Variants in ELSPBP1 observed in about 807,000 individuals in gnomAD.
ELSPBP1 encodes the protein epididymal sperm binding protein 1.
ELSPBP1 carries 38 observed loss-of-function variants against 33.3 expected under a neutral mutation model. The observed-to-expected ratio is 1.14, with a 90% CI of 0.88 to 1.50. ELSPBP1 has a LOEUF of 1.50. Among genes scored for constraint, ELSPBP1 ranks in the 40% most tolerant of loss-of-function variants. The pLI is 0.00. For missense variants in ELSPBP1, 267 were observed against 263.5 expected (o/e 1.01, Z -0.09); for synonymous variants, 85 against 94.1 (o/e 0.90, Z 0.56).
chr19:48,000,389 T>C (rs1318374589), intron 1 of ELSPBP1, among the ~76,000 whole-genome samples: 1 of 151,922 alleles, frequency 6.6e-6, no homozygotes, highest in African/African-American at 2.4e-5. Context: ...TACAAGTGCG[T>C]GCCACCACGC....
rs149490569 is a variant in ELSPBP1 at position 48,011,748 on chromosome 19, G to T, written c.71-2423G>T. Among the ~76,000 whole-genome samples, 6 of 152,104 alleles carry T rather than the reference G, an allele frequency of 3.9e-5. No individual in the cohort carries two copies. Among genetic ancestry groups the T allele is most frequent in the Middle Eastern group, 3.4e-3 (1 of 292 alleles). ...TTATGATGATGCCAATGACAATAGC[G>T]TGGAGAATGATGATGATGACAGTGA... On this transcript the variant is annotated intron_variant, in intron 2 of 6. Transcript: ENST00000339841. This position sits in a 1 kb window ranked among gnomAD's most constrained non-coding sequence, Gnocchi z 4.5.
At chr19:48,008,182 ACATAT>A (rs1464160310) in intron 1 of ELSPBP1, among the ~76,000 whole-genome samples, 4 of 152,106 alleles carry the variant, frequency 2.6e-5, no homozygotes, top group African/African-American at 9.7e-5. Flanking sequence ...AAACACACAC[ACATAT>A]CACACACACA....
intron 1 of ELSPBP1, among the ~76,000 whole-genome samples, chr19:47,999,387 C>CTTTTTTTTTTTTTTTTTT (rs397937280): frequency 7.7e-6 from 1 of 129,976 alleles, no homozygotes. Context: ...AGCCTCATTT[C>CTTTTTTTTTTTTTTTTTT]TTTTTTTTTT....
At chr19:48,012,270 C>A (rs1030516387) in intron 2 of ELSPBP1, among the ~76,000 whole-genome samples, 1 of 151,784 alleles carries the variant, frequency 6.6e-6, no homozygotes, top group African/African-American at 2.4e-5. Flanking sequence ...ATTACAGGGG[C>A]ACACCACCAT....
intron 1 of ELSPBP1, among the ~76,000 whole-genome samples, chr19:47,995,956 C>T (rs1966908433): frequency 6.6e-6 from 1 of 152,192 alleles, no homozygotes; most frequent in Admixed American, 6.5e-5. Flanking sequence ...GGCTAAGCTG[C>T]CTCTTGGGCA....
chr19:48,012,660 C>T (rs1967090672), intron 2 of ELSPBP1, among the ~76,000 whole-genome samples: 1 of 152,130 alleles, frequency 6.6e-6, no homozygotes. Context: ...TGTAGATACA[C>T]TGCACAAAAA....
At chr19:48,019,374 T>C (rs1273026218) in intron 4 of ELSPBP1, among the ~76,000 whole-genome samples, 1 of 152,130 alleles carries the variant, frequency 6.6e-6, no homozygotes, top group East Asian at 1.9e-4. Flanking sequence ...ACACAATCGA[T>C]ATTTATGTAA....
At chr19:48,015,153 A>C (rs1967118346) in intron 3 of ELSPBP1, among the ~76,000 whole-genome samples, 1 of 152,238 alleles carries the variant, frequency 6.6e-6, no homozygotes, top group Admixed American at 6.5e-5. Flanking sequence ...AATGTTAATA[A>C]GAAAATGGTA....
intron 6 of ELSPBP1, among the ~76,000 whole-genome samples, chr19:48,023,614 A>C (rs941775769): frequency 1.3e-5 from 2 of 149,144 alleles, no homozygotes; most frequent in South Asian, 4.3e-4. Context: ...GGGAGGGAAG[A>C]AAGGGAAGGA....
At chr19:48,007,758 T>C (rs932813455) in intron 1 of ELSPBP1, among the ~76,000 whole-genome samples, 2 of 152,126 alleles carry the variant, frequency 1.3e-5, no homozygotes, top group Admixed American at 6.6e-5. Context: ...AGAAGGGCCC[T>C]TGCAGCCATT....
rs34853595 is a variant in ELSPBP1 at position 47,998,786 on chromosome 19, C to CAAAA, written c.-18+3992_-18+3995dup. Among the ~76,000 whole-genome samples the CAAAA allele has an allele frequency of 4.9e-4, 54 of 110,940 alleles. No homozygotes were observed. The Middle Eastern group carries it at 0.017, about 34-fold the overall frequency. The allele number at this position is 110,940 out of a possible 152,430, so 72.8% of individuals were successfully genotyped here. On this transcript the variant is annotated intron_variant, in intron 1 of 6. Transcript: ENST00000339841. ...TGGGTGACAGAGCCAGACTCCGTCT[C>CAAAA]AAAAAAAAAAAAAAAAAAAATGCAG...
At chr19:47,997,908 T>C (rs1966926137) in intron 1 of ELSPBP1, among the ~76,000 whole-genome samples, 1 of 152,210 alleles carries the variant, frequency 6.6e-6, no homozygotes, top group Admixed American at 6.5e-5. Flanking sequence ...AAGTCTCCTA[T>C]TTACCCCTGG....
intron 1 of ELSPBP1, among the ~76,000 whole-genome samples, chr19:48,002,176 C>G (rs1600101386): frequency 6.6e-6 from 1 of 152,256 alleles, no homozygotes; most frequent in Non-Finnish European, 1.5e-5. Context: ...GACTGAGACC[C>G]AGGAAACTCA....
At chr19:48,017,427 C>G (rs964556827) in intron 4 of ELSPBP1, among the ~76,000 whole-genome samples, 1 of 152,196 alleles carries the variant, frequency 6.6e-6, no homozygotes, top group African/African-American at 2.4e-5. Flanking sequence ...CCTAATCTTT[C>G]ATCCCAAGTC....
intron 6 of ELSPBP1, among the ~76,000 whole-genome samples, chr19:48,023,844 T>C (rs1967240508): frequency 2.0e-5 from 3 of 151,404 alleles, no homozygotes; most frequent in Non-Finnish European, 4.4e-5. Context: ...CTTTCTTCTT[T>C]CTTTATTTTT....
At chr19:48,017,896 CAAAAA>C (rs60130865) in intron 4 of ELSPBP1, among the ~76,000 whole-genome samples, 315 of 66,128 alleles carry the variant, frequency 4.8e-3, no homozygotes, top group African/African-American at 0.018. Context: ...GATCTTGTCT[CAAAAA>C]AAAAAAAAAA....
At chr19:48,022,093 T>G in intron 5 of ELSPBP1, 77 bp from the exon 6 acceptor site, 1 of 1,365,850 alleles carries the variant, frequency 7.3e-7, no homozygotes, top group East Asian at 2.4e-5. Context: ...AAATCTAGGG[T>G]GGGCCTGAAG....
At chr19:48,024,203 G>A (rs1967246403) in intron 6 of ELSPBP1, among the ~76,000 whole-genome samples, 1 of 151,898 alleles carries the variant, frequency 6.6e-6, no homozygotes, top group South Asian at 2.1e-4. Flanking sequence ...TTTTCTTCTA[G>A]TCTTTTCCTC....
chr19:48,016,143 G>C (rs1967130458), intron 4 of ELSPBP1, 104 bp downstream of exon 4: 1 of 1,378,606 alleles, frequency 7.3e-7, no homozygotes, highest in East Asian at 2.3e-5. Context: ...AGCACCCAGG[G>C]GGAAGTACTT....
Sources: allele counts gnomAD v4.1 joint callset (sites outside exome capture counted in the v4.1 genomes callset), GRCh38; gene constraint gnomAD v4.1.1; non-coding constraint Gnocchi (gnomAD v3.1); transcripts MANE v1.5; gene names NCBI Gene and HGNC (gene_info 2026-07-23, HGNC 2026-07-21).